PTBP1: variants seen among roughly 807,000 people sequenced by gnomAD.
The protein encoded by PTBP1 is polypyrimidine tract-binding protein 1.
A neutral mutation model predicts 59.8 loss-of-function variants in PTBP1; 8 were observed. The ratio of observed to expected loss-of-function variants is 0.13; its 90% CI spans 0.08 to 0.24. The LOEUF (loss-of-function observed/expected upper bound fraction) is 0.24. PTBP1 is among the 10% of genes least tolerant of loss of function. The pLI is 1.00. For missense variants in PTBP1, 686 were observed against 767.0 expected (o/e 0.89, Z 1.25); for synonymous variants, 490 against 320.7 (o/e 1.53, Z -5.64).
At chr19:801,807 C>T (rs1282441237) in intron 2 of PTBP1, among the ~76,000 whole-genome samples, 2 of 152,218 alleles carry the variant, frequency 1.3e-5, no homozygotes, top group Non-Finnish European at 2.9e-5. Context: ...TGGTTTCCAC[C>T]TGAGGCGGCT....
At position 806,555 on chromosome 19, in the gene PTBP1, A is replaced by T; in HGVS notation, c.1118A>T (p.Glu373Val). 6.6e-7 allele frequency: 1 copy of T among 1,511,432 alleles called. No individual in the cohort carries two copies. Among genetic ancestry groups the T allele is most frequent in the Non-Finnish European group, 8.8e-7 (1 of 1,130,188 alleles). The allele number at this position is 1,511,432 out of a possible 1,614,324, so 93.6% of individuals were successfully genotyped here. Residue 373 changes from glutamate (E) to valine (V), a missense_variant and splice_region_variant, in exon 10 of 15, where the codon GAG becomes GTG. Transcript: ENST00000356948. ...SVLLVSNLNP[E>V]RVTPQSLFIL... ...TTGCTGGTCAGCAACCTCAACCCAG[A>T]GGTACGTGGGCTTTTCCTCCGCGCC... is the stretch of plus-strand genomic sequence containing the variant.
In PTBP1 at chr19:808,284, C is replaced by A. The variant is rs899791801; in HGVS notation, c.1154-76C>A. ...GGCTGAGCCGGGCCTTGTGGGGGTG[C>A]GCGGGGCCGGGGCTGACGGGGAGAT... On this transcript the variant is annotated intron_variant, in intron 11 of 14. Coordinates refer to ENST00000356948, the MANE Select transcript of PTBP1 (RefSeq NM_002819.5). This position sits in a 1 kb window ranked among gnomAD's most constrained non-coding sequence, Gnocchi z 4.7. The A allele has an allele frequency of 3.2e-6, 4 of 1,254,828 alleles. No homozygotes were observed. The highest frequency in any genetic ancestry group is 1.5e-5 in the African/African-American group (1 of 67,106). 77.7% of individuals were successfully genotyped at this position (1,254,828 alleles called of 1,614,324 possible). A position where few individuals can be genotyped will look rare whatever the true frequency, so the allele number is the denominator to read the frequency against.
chr19:805,845 G>A, intron 9 of PTBP1: 1 of 478,804 alleles, frequency 2.1e-6, no homozygotes. Context: ...CTCCGGGCGA[G>A]CGCGAGGACC....
intron 1 of PTBP1, among the ~76,000 whole-genome samples, chr19:797,919 T>TC (rs1331754278): frequency 6.1e-5 from 9 of 147,948 alleles, no homozygotes; most frequent in Admixed American, 2.7e-4. Context: ...CCGTCGCGCG[T>TC]CCCCGTTGGC....
chr19:799,722 G>GGCCT (rs1179747164), intron 2 of PTBP1, among the ~76,000 whole-genome samples: 1 of 152,218 alleles, frequency 6.6e-6, no homozygotes, highest in Non-Finnish European at 1.5e-5. Context: ...GTGTGCCCCA[G>GGCCT]GCCTGCCTTT....
At chr19:800,268 C>T (rs1036128543) in intron 2 of PTBP1, among the ~76,000 whole-genome samples, 48 of 152,198 alleles carry the variant, frequency 3.2e-4, no homozygotes, top group African/African-American at 1.1e-3. Context: ...CTGGTTAGAA[C>T]AGCAGCAAAC....
intron 2 of PTBP1, among the ~76,000 whole-genome samples, chr19:801,871 G>A (rs1157570415): frequency 2.6e-5 from 4 of 152,170 alleles, no homozygotes; most frequent in African/African-American, 7.2e-5. Context: ...GCTCATAGGG[G>A]GCCCCAGACT....
At chr19:798,297 C>A (rs1426882661) in intron 1 of PTBP1, 1 of 152,138 alleles carries the variant, frequency 6.6e-6, no homozygotes, top group Non-Finnish European at 1.5e-5. Flanking sequence ...GGGCGGGCTT[C>A]CCTTGGGAGA....
Position 811,716 on chromosome 19 carries a change from T to TA in PTBP1, c.*891dup, listed in dbSNP as rs2034885059. ...GGCACAGGGAGCCCCGGTCCTATCTTAGAGCCCCTGAGCTTCAGGGAAGGG... is the reference window on the plus strand; with the variant it reads ...GGCACAGGGAGCCCCGGTCCTATCTTAAGAGCCCCTGAGCTTCAGGGAAGGG... On this transcript the variant is annotated 3_prime_UTR_variant, in exon 15 of 15. Transcript: ENST00000356948. The TA allele has an allele frequency of 6.6e-6, 1 of 152,434 alleles. No individual in the cohort carries two copies. The highest frequency in any genetic ancestry group is 1.5e-5 in the Non-Finnish European group (1 of 68,044). 9.4% of individuals were successfully genotyped at this position (152,434 alleles called of 1,614,324 possible). A position where few individuals can be genotyped will look rare whatever the true frequency, so the allele number is the denominator to read the frequency against.
chr19:804,818 G>T lies in PTBP1; in HGVS notation c.607-11G>T, dbSNP rs1248175662. 6.2e-7 allele frequency: 1 copy of T among 1,611,920 alleles called. No homozygotes were observed. On this transcript the variant is annotated splice_polypyrimidine_tract_variant and intron_variant, in intron 6 of 14. Coordinates refer to ENST00000356948, the MANE Select transcript of PTBP1 (RefSeq NM_002819.5). ...CGGGCAGGAGCTCATGCTGTGGCCC[G>T]GGACCTGCAGATTTTCTCCAAGTTC...
In PTBP1 at chr19:804,676, C is replaced by T; in HGVS notation, c.580C>T (p.Pro194Ser). 1 of 1,612,972 alleles carries T rather than the reference C, an allele frequency of 6.2e-7. No homozygotes were observed. The change falls in exon 6 of 15, where the codon CCT becomes TCT. Residue 194 changes from proline to serine, a missense_variant. Pro to Ser is a moderately conservative substitution (Grantham distance 74). Transcript: ENST00000356948. The stretch of plus-strand genomic sequence containing the variant: ...GATCATCGTGGAGAACCTCTTCTAC[C>T]CTGTGACCCTGGATGTGCTGCACCA... ...LRIIVENLFY[P>S]VTLDVLHQIF... is the part of the protein sequence containing the mutation.
chr19:805,227 T>C (rs780583171), intron 8 of PTBP1, 40 bp downstream of exon 8: 2 of 1,606,386 alleles, frequency 1.2e-6, no homozygotes, highest in Non-Finnish European at 1.7e-6. Context: ...TGCAGAGTGG[T>C]CTATTAGGGC....
chr19:805,204 C>A lies in PTBP1; in HGVS notation c.892+17C>A, dbSNP rs930959425. 2 of 1,611,914 alleles carry A rather than the reference C, an allele frequency of 1.2e-6. No individual in the cohort carries two copies. On this transcript the variant is annotated intron_variant, in intron 8 of 14. Transcript: ENST00000356948. ...CGGCCTTCGGTAAGAGGCTGCCCGA[C>A]GCGGCGCCAGTGTGCAGAGTGGTCT...
chr19:804,533 G>T lies in PTBP1; in HGVS notation c.437G>T (p.Arg146Leu). ...GACTCACGGCTGTGCCTCCCACAGC[G>T]GGCCCAGGCGGCCCTGCAGGCGGTG... Reference protein sequence around the residue: ...LKTDSSPNQARAQAALQAVNS... With the variant: ...LKTDSSPNQALAQAALQAVNS... The change falls in exon 6 of 15, where the codon CGG (arginine) becomes CTG (leucine). Residue 146 changes from arginine to leucine, a missense_variant and splice_region_variant. Arg to Leu is a moderately radical substitution (Grantham distance 102). Coordinates refer to ENST00000356948, the MANE Select transcript of PTBP1 (RefSeq NM_002819.5). 6.2e-7 allele frequency: 1 copy of T among 1,601,504 alleles called. No homozygotes were observed. The highest frequency in any genetic ancestry group is 8.5e-7 in the Non-Finnish European group (1 of 1,176,396).
chr19:806,282 G>A (rs2034569589), intron 9 of PTBP1, 126 bp from the exon 10 acceptor site: 3 of 1,146,180 alleles, frequency 2.6e-6, no homozygotes, highest in East Asian at 3.2e-5. Context: ...CCAGGGTAGG[G>A]CCAGAGCCAG....
intron 1 of PTBP1, chr19:798,483 T>G (rs111897743): frequency 3.3e-5 from 5 of 152,404 alleles, no homozygotes; most frequent in African/African-American, 4.8e-5. Context: ...CCGTGCAGTC[T>G]GTGGTGTCAG....
chr19:808,598 G>T lies in PTBP1; in HGVS notation c.1299G>T (p.Thr433=). ...HKLHGKPIRI[T]LSKHQNVQLP... is the part of the protein sequence containing the mutation. The stretch of plus-strand genomic sequence containing the variant: ...TGCACGGGAAGCCCATCCGCATCAC[G>T]CTCTCGAAGCACCAGAACGTGCAGC... Residue 433 remains threonine, a synonymous_variant, in exon 13 of 15, where the codon ACG becomes ACT. Coordinates refer to ENST00000356948, the MANE Select transcript of PTBP1 (RefSeq NM_002819.5). The surrounding 1 kb of genome is among the most constrained non-coding windows in gnomAD (Gnocchi z 4.7). The T allele has an allele frequency of 6.2e-7, 1 of 1,608,048 alleles. No homozygotes were observed. Among genetic ancestry groups the T allele is most frequent in the Non-Finnish European group, 8.5e-7 (1 of 1,178,570 alleles).
intron 8 of PTBP1, 82 bp downstream of exon 8, chr19:805,269 C>T (rs987669926): frequency 2.1e-5 from 31 of 1,491,858 alleles, no homozygotes; most frequent in African/African-American, 8.3e-5. Context: ...GGCACGGGCC[C>T]GGCCCTGCAC....
intron 1 of PTBP1, chr19:798,301 T>C (rs942958926): frequency 4.6e-5 from 7 of 151,576 alleles, no homozygotes; most frequent in Non-Finnish European, 7.4e-5. Context: ...GGGCTTCCCT[T>C]GGGAGAGGTG....
Sources: gnomAD v4.1 joint callset for allele counts (sites outside exome capture counted in the v4.1 genomes callset) on GRCh38, gnomAD v4.1.1 for gene constraint, Gnocchi (gnomAD v3.1) non-coding constraint, MANE v1.5 for transcripts, NCBI Gene and HGNC (gene_info 2026-07-23, HGNC 2026-07-21) for gene names.